GGNBP2: variants seen among roughly 807,000 people sequenced by gnomAD.
GGNBP2 encodes the protein gametogenetin-binding protein 2.
A neutral mutation model predicts 85.9 loss-of-function variants in GGNBP2; 10 were observed. The observed-to-expected ratio is 0.12, with a 90% CI of 0.07 to 0.20. The LOEUF (loss-of-function observed/expected upper bound fraction) is 0.20. Ranked by LOEUF, GGNBP2 falls within the 10% of genes least tolerant of loss-of-function variation. The pLI is 1.00. For missense variants in GGNBP2, 595 were observed against 857.8 expected (o/e 0.69, Z 3.83); for synonymous variants, 287 against 285.7 (o/e 1.00, Z -0.05).
At chr17:36,552,592 C>G (rs1316739861) in intron 2 of GGNBP2, among the ~76,000 whole-genome samples, 4 of 152,286 alleles carry the variant, frequency 2.6e-5, no homozygotes, top group Non-Finnish European at 5.9e-5. Context: ...TGCTACCCCC[C>G]TTTAGAGGTA....
intron 5 of GGNBP2, among the ~76,000 whole-genome samples, chr17:36,563,971 T>C (rs1430053692): frequency 2.6e-5 from 4 of 152,214 alleles, no homozygotes; most frequent in South Asian, 4.1e-4. Context: ...CTCGAACTCC[T>C]GACCTCAGGT....
At chr17:36,571,289 C>G (rs542832669) in intron 6 of GGNBP2, among the ~76,000 whole-genome samples, 3 of 152,192 alleles carry the variant, frequency 2.0e-5, no homozygotes, top group African/African-American at 7.2e-5. Flanking sequence ...TGGTGGCTCA[C>G]TCCTCTAATC....
chr17:36,567,540 C>T, intron 5 of GGNBP2, 123 bp from the exon 6 acceptor site: 1 of 608,582 alleles, frequency 1.6e-6, no homozygotes, highest in East Asian at 2.8e-5. Flanking sequence ...GATCATTTTC[C>T]ATTATGGACG....
intron 6 of GGNBP2, chr17:36,574,647 C>T (rs1045001438): frequency 1.5e-5 from 9 of 583,448 alleles, no homozygotes; most frequent in East Asian, 3.1e-5. Flanking sequence ...TTACCCAGGG[C>T]GGCAGTGTAG....
intron 6 of GGNBP2, chr17:36,577,535 T>C (rs1370927683): frequency 6.0e-6 from 1 of 166,512 alleles, no homozygotes; most frequent in African/African-American, 2.4e-5. Flanking sequence ...TAATAGAAAT[T>C]GGAGTCAAGG....
At chr17:36,563,258 C>T (rs951061545) in intron 5 of GGNBP2, among the ~76,000 whole-genome samples, 1 of 151,898 alleles carries the variant, frequency 6.6e-6, no homozygotes, top group East Asian at 1.9e-4. Flanking sequence ...AAGAGTGAGA[C>T]TTTGTCTCGA....
intron 2 of GGNBP2, among the ~76,000 whole-genome samples, chr17:36,548,165 G>A (rs2074272236): frequency 6.6e-6 from 1 of 152,198 alleles, no homozygotes; most frequent in South Asian, 2.1e-4. Flanking sequence ...GTAGTCTTAG[G>A]ATTTTGATAG....
At chr17:36,583,527 T>C (rs949404866) in intron 9 of GGNBP2, among the ~76,000 whole-genome samples, 6 of 151,962 alleles carry the variant, frequency 3.9e-5, no homozygotes, top group African/African-American at 1.5e-4. Flanking sequence ...GGCACAATCT[T>C]GGTTCACCGT....
At chr17:36,581,922 G>A (rs1768032600) in intron 9 of GGNBP2, 1 of 152,752 alleles carries the variant, frequency 6.5e-6, no homozygotes, top group South Asian at 2.1e-4. Flanking sequence ...CTGTCACCCG[G>A]ACTGGAGTGC....
At chr17:36,562,425 T>C (rs1006643257) in intron 5 of GGNBP2, among the ~76,000 whole-genome samples, 3 of 151,852 alleles carry the variant, frequency 2.0e-5, no homozygotes, top group Non-Finnish European at 4.4e-5. Context: ...TGACTTGGTC[T>C]CCCAAAGTGC....
intron 5 of GGNBP2, among the ~76,000 whole-genome samples, chr17:36,562,628 T>A (rs2074428675): frequency 6.6e-6 from 1 of 151,144 alleles, no homozygotes; most frequent in South Asian, 2.1e-4. Flanking sequence ...ATGTTAATAA[T>A]CTATTAAGTT....
At chr17:36,584,952 CAAAA>C (rs34371498) in intron 9 of GGNBP2, among the ~76,000 whole-genome samples, 18 of 122,172 alleles carry the variant, frequency 1.5e-4, no homozygotes, top group Admixed American at 9.5e-4. Context: ...AGACCGTACT[CAAAA>C]AAAAAAAAAA....
Position 36,545,635 on chromosome 17 carries a change from G to A in GGNBP2, c.-90G>A, listed in dbSNP as rs1250917923. The A allele has an allele frequency of 2.0e-6, 2 of 991,496 alleles. No homozygotes were observed. Among genetic ancestry groups the A allele is most frequent in the Non-Finnish European group, 1.6e-6 (1 of 643,124 alleles). 61.4% of individuals were successfully genotyped at this position (991,496 alleles called of 1,614,324 possible). A position where few individuals can be genotyped will look rare whatever the true frequency, so the allele number is the denominator to read the frequency against. ...CTGTTGCAGGCAGGAGCTGGGAGGA[G>A]GCGGCAGCGGCGGCGGCAGAAACAG... On this transcript the variant is annotated 5_prime_UTR_variant, in exon 2 of 14. Transcript: ENST00000613102.
At position 36,577,827 on chromosome 17, in the gene GGNBP2, G is replaced by A. The variant is rs574126226; in HGVS notation, c.642-156G>A. 179 of 653,522 alleles carry A rather than the reference G, an allele frequency of 2.7e-4. 1 individual carries two copies. The highest frequency in any genetic ancestry group is 2.2e-3 in the South Asian group (126 of 57,436). The allele number at this position is 653,522 out of a possible 1,614,324, so 40.5% of individuals were successfully genotyped here. Reference sequence around the variant, plus strand: ...CTGTATTTATGCAATCCCTAAATTTGTATTTACCTTATGTGCGTATGTTTT... The same window carrying A: ...CTGTATTTATGCAATCCCTAAATTTATATTTACCTTATGTGCGTATGTTTT... On this transcript the variant is annotated intron_variant, in intron 6 of 13. Coordinates refer to ENST00000613102, the MANE Select transcript of GGNBP2 (RefSeq NM_024835.5).
At chr17:36,560,920 A>G (rs199870844) in intron 5 of GGNBP2, 49 bp downstream of exon 5, 2 of 947,380 alleles carry the variant, frequency 2.1e-6, no homozygotes, top group East Asian at 2.5e-5. Context: ...AAGATTATAT[A>G]TTTGATCATA....
chr17:36,567,891 C>T (rs891892799), intron 6 of GGNBP2, 115 bp downstream of exon 6: 3 of 554,048 alleles, frequency 5.4e-6, no homozygotes, highest in Non-Finnish European at 9.8e-6. Flanking sequence ...CCCTTTAATA[C>T]TTGGCACTAG....
Position 36,550,190 on chromosome 17 carries a change from G to A in GGNBP2, c.93+4373G>A, listed in dbSNP as rs773067401. ...TGACCTCAAGTGATCTGCCTGCCTC[G>A]GCCTCCCAAAGTGGTGGGATTACAG... On this transcript the variant is annotated intron_variant, in intron 2 of 13. Transcript: ENST00000613102. 5.9e-5 allele frequency among the ~76,000 whole-genome samples: 9 copies of A among 152,186 alleles called. No individual in the cohort carries two copies. The South Asian group carries it at 1.0e-3, about 18-fold the overall frequency.
At chr17:36,559,093 A>C (rs1026118875) in intron 4 of GGNBP2, among the ~76,000 whole-genome samples, 3 of 151,112 alleles carry the variant, frequency 2.0e-5, no homozygotes, top group Non-Finnish European at 4.4e-5. Flanking sequence ...AGAGGTCAGG[A>C]GTCTGAAACC....
chr17:36,571,577 C>T (rs2074524892), intron 6 of GGNBP2, among the ~76,000 whole-genome samples: 1 of 152,004 alleles, frequency 6.6e-6, no homozygotes, highest in African/African-American at 2.4e-5. Context: ...TGCCATGGCT[C>T]ACGCCTGTAA....
Sources: allele counts gnomAD v4.1 joint callset (sites outside exome capture counted in the v4.1 genomes callset), GRCh38; gene constraint gnomAD v4.1.1; transcripts MANE v1.5; gene names NCBI Gene and HGNC (gene_info 2026-07-23, HGNC 2026-07-21).